The following GPHN variants were observed in gnomAD, a reference collection of about 807,000 sequenced individuals.
The protein encoded by GPHN is gephyrin.
In GPHN, 17 loss-of-function variants were observed where a neutral mutation model predicts 95.5. That is an observed-to-expected ratio of 0.18 (90% confidence interval 0.12 to 0.27). The LOEUF (loss-of-function observed/expected upper bound fraction) is 0.27, where lower values mean the gene tolerates loss of function less well. Among genes scored for constraint, GPHN ranks in the 10% least tolerant of loss-of-function variants. The probability of loss-of-function intolerance (pLI) is 1.00; values close to 1 mark genes in which losing one functional copy is unlikely to be tolerated. For synonymous variants in GPHN, 320 were observed against 322.5 expected (o/e 0.99, Z 0.08); for missense variants, 660 against 978.1 (o/e 0.67, Z 4.34).
chr14:67,340,451 T>C, the GPHN span: 8 of 1,613,714 alleles, frequency 5.0e-6, no homozygotes, highest in Middle Eastern at 4.9e-4. Context: ...TATAGAACTC[T>C]TCTCGCTCTC....
the GPHN span, among the ~76,000 whole-genome samples, chr14:67,324,883 C>A: frequency 6.6e-6 from 1 of 151,010 alleles, no homozygotes; most frequent in Non-Finnish European, 1.5e-5. Context: ...GCTACCACGC[C>A]CAGCCTTCCT....
At chr14:67,596,247 G>A in the GPHN span, among the ~76,000 whole-genome samples, 1 of 145,618 alleles carries the variant, frequency 6.9e-6, no homozygotes, top group Non-Finnish European at 1.5e-5. Flanking sequence ...TCCTGCCTCA[G>A]CCTCCCTAGT....
chr14:66,944,140 C>T (rs533334835), intron 8 of GPHN, among the ~76,000 whole-genome samples: 7 of 152,352 alleles, frequency 4.6e-5, no homozygotes, highest in Admixed American at 2.0e-4. Flanking sequence ...AAGCCGAGCA[C>T]TCTTTTTAAG....
the GPHN span, chr14:67,388,315 G>A: frequency 1.3e-6 from 2 of 1,573,250 alleles, no homozygotes; most frequent in South Asian, 1.1e-5. Context: ...GTAGAGGAAA[G>A]GAGACCCAAT....
At chr14:67,382,908 C>CGT in the GPHN span, among the ~76,000 whole-genome samples, 27,414 of 144,084 alleles carry the variant, frequency 0.19, 4,129 homozygotes, top group East Asian at 0.45. Context: ...TGCGTGCGTG[C>CGT]GTGTGTGTGT....
intron 11 of GPHN, among the ~76,000 whole-genome samples, chr14:67,079,104 A>C (rs1281062110): frequency 1.3e-5 from 2 of 152,088 alleles, no homozygotes; most frequent in East Asian, 3.8e-4. Flanking sequence ...ACAAAAGACC[A>C]GATGGTATAT....
At chr14:66,758,316 G>A (rs1369714202) in intron 2 of GPHN, among the ~76,000 whole-genome samples, 2 of 152,124 alleles carry the variant, frequency 1.3e-5, no homozygotes, top group African/African-American at 4.8e-5. Context: ...CTAGGCATTT[G>A]GCTGCCTCCT....
At chr14:66,932,976 G>T (rs2066906719) in intron 8 of GPHN, among the ~76,000 whole-genome samples, 5 of 152,146 alleles carry the variant, frequency 3.3e-5, no homozygotes, top group Admixed American at 3.3e-4. Context: ...GAGAATGATT[G>T]TAAAACTGTT....
the GPHN span, among the ~76,000 whole-genome samples, chr14:67,459,941 G>A: frequency 2.0e-5 from 3 of 152,220 alleles, no homozygotes; most frequent in African/African-American, 7.2e-5. Context: ...CATGCAAATA[G>A]CCAGCAGTAG....
chr14:67,269,857 T>TTA, the GPHN span: 2 of 152,484 alleles, frequency 1.3e-5, no homozygotes, highest in Admixed American at 1.3e-4. Flanking sequence ...AACAAATAGT[T>TTA]TAACCTCTTA....
chr14:66,621,130 AATTT>A (rs1037570103), intron 1 of GPHN, among the ~76,000 whole-genome samples: 6 of 125,416 alleles, frequency 4.8e-5, no homozygotes, highest in African/African-American at 2.5e-4. Context: ...AAGCCCAGCC[AATTT>A]TTTTTTTTTT....
At chr14:66,627,125 A>T (rs2153329000) in intron 1 of GPHN, among the ~76,000 whole-genome samples, 1 of 152,128 alleles carries the variant, frequency 6.6e-6, no homozygotes, top group Admixed American at 6.5e-5. Flanking sequence ...GAATACCCAT[A>T]TAATTACTAT....
chr14:66,541,295 G>A (rs1418742445), intron 1 of GPHN, among the ~76,000 whole-genome samples: 1 of 152,128 alleles, frequency 6.6e-6, no homozygotes, highest in Admixed American at 6.5e-5. Flanking sequence ...GCATGTTAGT[G>A]TCATCACTTT....
rs143960178 is a variant in GPHN at position 66,952,313 on chromosome 14, A to G, written c.829-12878A>G. ...ATGTAACTCTTTATGTCTAGCTTCTATCACTAAATAAACAACATTTTCAAG... is the reference window on the plus strand; with the variant it reads ...ATGTAACTCTTTATGTCTAGCTTCTGTCACTAAATAAACAACATTTTCAAG... On this transcript the variant is annotated intron_variant, in intron 8 of 22. Coordinates refer to ENST00000478722, the MANE Select transcript of GPHN (RefSeq NM_020806.5). 5.2e-3 allele frequency among the ~76,000 whole-genome samples: 797 copies of G among 152,338 alleles called. 8 individuals are homozygous for G. Among genetic ancestry groups the G allele is most frequent in the African/African-American group, 0.018 (756 of 41,576 alleles).
intron 9 of GPHN, among the ~76,000 whole-genome samples, chr14:66,980,152 C>A (rs1382531717): frequency 6.6e-6 from 1 of 152,128 alleles, no homozygotes; most frequent in Admixed American, 6.5e-5. Context: ...AAATGTGACA[C>A]AGAGACAGGA....
chr14:67,198,129 C>G, the GPHN span: 2 of 1,590,864 alleles, frequency 1.3e-6, no homozygotes, highest in East Asian at 2.2e-5. Context: ...TGTTTCCATT[C>G]CCTCAGTTTT....
At chr14:66,896,496 T>C (rs969150864) in intron 5 of GPHN, among the ~76,000 whole-genome samples, 8 of 151,774 alleles carry the variant, frequency 5.3e-5, no homozygotes, top group Non-Finnish European at 8.8e-5. Context: ...CACGTGCCTG[T>C]AGCTACTCGG....
At chr14:67,445,974 T>C in the GPHN span, 1 of 480,460 alleles carries the variant, frequency 2.1e-6, no homozygotes, top group African/African-American at 2.0e-5. Flanking sequence ...GTCTAGCCTG[T>C]AAGAAACAGT....
chr14:67,111,723 A>C, intron 14 of GPHN, 138 bp from the exon 15 acceptor site: 1 of 691,272 alleles, frequency 1.4e-6, no homozygotes, highest in South Asian at 1.8e-5. Context: ...CAGTGTTTTC[A>C]AAGGGTGTAG....
Sources: allele counts gnomAD v4.1 joint callset (sites outside exome capture counted in the v4.1 genomes callset), GRCh38; gene constraint gnomAD v4.1.1; transcripts MANE v1.5; gene names NCBI Gene and HGNC (gene_info 2026-07-23, HGNC 2026-07-21).